The following ASXL1 variants were observed in gnomAD, a reference collection of about 807,000 sequenced individuals.
The protein encoded by ASXL1 is polycomb group protein ASXL1.
A neutral mutation model predicts 89.1 loss-of-function variants in ASXL1; 65 were observed. The ratio of observed to expected loss-of-function variants is 0.73; its 90% CI spans 0.60 to 0.90. The LOEUF is 0.90. Ranked by LOEUF, ASXL1 falls within the 40% of genes least tolerant of loss-of-function variation. ASXL1 has a pLI of 0.00. For synonymous variants in ASXL1, 739 were observed against 746.9 expected (o/e 0.99, Z 0.17); for missense variants, 1,786 against 1,942.9 (o/e 0.92, Z 1.52).
chr20:32,362,590 C>G (rs1383912862), intron 1 of ASXL1, among the ~76,000 whole-genome samples: 1 of 152,158 alleles, frequency 6.6e-6, no homozygotes, highest in African/African-American at 2.4e-5. Context: ...GAGCCGAGAT[C>G]GAGCTACTGC....
chr20:32,378,606 G>T (rs1265208691), intron 4 of ASXL1, among the ~76,000 whole-genome samples: 2 of 152,056 alleles, frequency 1.3e-5, no homozygotes, highest in African/African-American at 4.8e-5. Flanking sequence ...GTTGATTATT[G>T]CCCGGTTAGA....
At chr20:32,365,369 A>G (rs2048187761) in intron 1 of ASXL1, among the ~76,000 whole-genome samples, 1 of 152,188 alleles carries the variant, frequency 6.6e-6, no homozygotes. Context: ...TTTGGTGCTG[A>G]GGTCTTATGT....
chr20:32,428,039 T>C, intron 4 of ASXL1, 89 bp from the exon 5 acceptor site: 2 of 1,578,186 alleles, frequency 1.3e-6, no homozygotes, highest in Admixed American at 3.5e-5. Context: ...AAATCCCTCT[T>C]TTTCAAAAGC....
intron 4 of ASXL1, among the ~76,000 whole-genome samples, chr20:32,397,455 A>G (rs1469608811): frequency 1.6e-5 from 2 of 126,704 alleles, no homozygotes; most frequent in African/African-American, 6.1e-5. Flanking sequence ...GCTGGAGTGC[A>G]GTGGCATGAT....
At chr20:32,372,268 C>T in intron 4 of ASXL1, 1 of 1,263,112 alleles carries the variant, frequency 7.9e-7, no homozygotes, top group Non-Finnish European at 1.0e-6. Context: ...TGTTAGTCTA[C>T]AGCTTGTGTC....
intron 4 of ASXL1, among the ~76,000 whole-genome samples, chr20:32,417,256 A>G (rs976222312): frequency 1.3e-5 from 2 of 152,220 alleles, no homozygotes; most frequent in African/African-American, 2.4e-5. Context: ...ATCTAGACCC[A>G]AAGATTTCAG....
chr20:32,398,603 G>GTTTTTTTTGTTTGT (rs2048809886), intron 4 of ASXL1, among the ~76,000 whole-genome samples: 4 of 126,448 alleles, frequency 3.2e-5, no homozygotes, highest in African/African-American at 6.3e-5. Flanking sequence ...TTTTTTGTTT[G>GTTTTTTTTGTTTGT]TTTTTTTTTT....
intron 1 of ASXL1, chr20:32,360,030 A>T: frequency 1.9e-6 from 1 of 529,500 alleles, no homozygotes. Context: ...TTTCTCTCTT[A>T]TTTTGAAGTG....
intron 4 of ASXL1, among the ~76,000 whole-genome samples, chr20:32,406,758 C>T (rs368944386): frequency 2.0e-5 from 3 of 152,128 alleles, no homozygotes; most frequent in African/African-American, 2.4e-5. Context: ...CTTCTCAACC[C>T]GCGTGGGCTT....
At chr20:32,383,660 G>A (rs2048528425) in intron 4 of ASXL1, among the ~76,000 whole-genome samples, 1 of 152,168 alleles carries the variant, frequency 6.6e-6, no homozygotes, top group Non-Finnish European at 1.5e-5. Flanking sequence ...GTGGTACTAA[G>A]AGCACTGGAA....
chr20:32,382,789 A>G (rs1046268833), intron 4 of ASXL1, among the ~76,000 whole-genome samples: 2 of 152,050 alleles, frequency 1.3e-5, no homozygotes, highest in African/African-American at 4.8e-5. Flanking sequence ...CTGTCTCAAA[A>G]AAAATGAATT....
At chr20:32,423,796 G>A (rs1159077734) in intron 4 of ASXL1, among the ~76,000 whole-genome samples, 1 of 152,064 alleles carries the variant, frequency 6.6e-6, no homozygotes, top group Non-Finnish European at 1.5e-5. Context: ...TGATCTGCCT[G>A]GCTTGGCCTC....
intron 4 of ASXL1, among the ~76,000 whole-genome samples, chr20:32,377,298 A>G (rs1232914794): frequency 6.6e-6 from 1 of 150,764 alleles, no homozygotes; most frequent in African/African-American, 2.4e-5. Flanking sequence ...ATTATATTTT[A>G]TCTACGTGGT....
At chr20:32,359,930 G>T (rs2048082670) in intron 1 of ASXL1, 1 of 694,222 alleles carries the variant, frequency 1.4e-6, no homozygotes, top group Non-Finnish European at 2.7e-6. Context: ...GCGAGGTTGT[G>T]GTGCGGATAG....
chr20:32,404,273 C>G (rs1033043599), intron 4 of ASXL1, among the ~76,000 whole-genome samples: 1 of 152,156 alleles, frequency 6.6e-6, no homozygotes, highest in East Asian at 1.9e-4. Flanking sequence ...ATTTATCTTT[C>G]TGTGCCTCTT....
chr20:32,415,247 G>A (rs1157419667), intron 4 of ASXL1, among the ~76,000 whole-genome samples: 1 of 152,066 alleles, frequency 6.6e-6, no homozygotes, highest in African/African-American at 2.4e-5. Flanking sequence ...GACCTCAGGT[G>A]ATCTTCCTGC....
Position 32,435,265 on chromosome 20 carries a change from C to A in ASXL1, c.2553C>A (p.Ser851=), listed in dbSNP as rs778776982. ...TGACCCCCAGTTCCACACCTGAATCCTCACCGACTGATTGCCTGCAGAACA... is the reference window on the plus strand; with the variant it reads ...TGACCCCCAGTTCCACACCTGAATCATCACCGACTGATTGCCTGCAGAACA... ...VNVTPSSTPE[S]SPTDCLQNRA... is the part of the protein sequence containing the mutation. Residue 851 remains serine (S), a synonymous_variant, in exon 13 of 13, where the codon TCC becomes TCA. Transcript: ENST00000375687. 6.2e-7 allele frequency: 1 copy of A among 1,614,140 alleles called. No individual in the cohort carries two copies. The highest frequency in any genetic ancestry group is 8.5e-7 in the Non-Finnish European group (1 of 1,180,032).
intron 1 of ASXL1, chr20:32,359,991 T>G (rs2048083606): frequency 1.7e-6 from 1 of 597,510 alleles, no homozygotes; most frequent in Non-Finnish European, 3.0e-6. Context: ...GTAATTCAGT[T>G]TTAATGATGA....
rs868159640 is a variant in ASXL1 at position 32,368,016 on chromosome 20, A to C, written c.143+287A>C. Among the ~76,000 whole-genome samples, 13 of 152,340 alleles carry C rather than the reference A, an allele frequency of 8.5e-5. 1 individual carries two copies. The Middle Eastern group carries it at 0.02, about 239-fold the overall frequency. On this transcript the variant is annotated intron_variant, in intron 3 of 12. Coordinates refer to ENST00000375687, the MANE Select transcript of ASXL1 (RefSeq NM_015338.6). ...ATTTTTTAGCATCCAGTGTGTTCCA[A>C]GGCAAAATAAGTAATAGTTTTTTAA...
Sources: gnomAD v4.1 joint callset for allele counts (sites outside exome capture counted in the v4.1 genomes callset) on GRCh38, gnomAD v4.1.1 for gene constraint, MANE v1.5 for transcripts, NCBI Gene and HGNC (gene_info 2026-07-23, HGNC 2026-07-21) for gene names.